CDH13: variants seen among roughly 807,000 people sequenced by gnomAD.
The protein encoded by CDH13 is cadherin 13.
Under a neutral mutation model 63.8 loss-of-function variants are expected in CDH13, and 24 were observed. The observed-to-expected ratio is 0.38, with a 90% CI of 0.27 to 0.53. CDH13 has a LOEUF of 0.53. CDH13 is among the 20% of genes least tolerant of loss of function. The pLI is 0.85. For missense variants in CDH13, 1,049 were observed against 903.1 expected (o/e 1.16, Z -2.07); for synonymous variants, 503 against 355.3 (o/e 1.42, Z -4.67).
At chr16:82,816,770 G>T (rs931851321) in intron 1 of CDH13, among the ~76,000 whole-genome samples, 1 of 131,826 alleles carries the variant, frequency 7.6e-6, no homozygotes, top group African/African-American at 2.8e-5. Flanking sequence ...CATCACCGTC[G>T]TCACCATCAT....
intron 2 of CDH13, among the ~76,000 whole-genome samples, chr16:82,998,923 T>G (rs1437361570): frequency 6.0e-5 from 9 of 149,194 alleles, no homozygotes; most frequent in Non-Finnish European, 1.3e-4. Flanking sequence ...CCAACACTTT[T>G]CTTGTTAAAG....
intron 10 of CDH13, among the ~76,000 whole-genome samples, chr16:83,683,409 G>A (rs969050465): frequency 6.6e-6 from 1 of 152,180 alleles, no homozygotes; most frequent in African/African-American, 2.4e-5. Context: ...CTTTTCCACA[G>A]CTTGGATCTG....
chr16:83,379,930 T>G (rs1473818907), intron 6 of CDH13, among the ~76,000 whole-genome samples: 3 of 88,216 alleles, frequency 3.4e-5, no homozygotes, highest in African/African-American at 7.9e-5. Context: ...TATATATATA[T>G]ATATATATAG....
chr16:82,925,413 A>G (rs1205434972), intron 2 of CDH13, among the ~76,000 whole-genome samples: 2 of 152,170 alleles, frequency 1.3e-5, no homozygotes, highest in Non-Finnish European at 2.9e-5. Flanking sequence ...TGGCATTTGT[A>G]TGCTGGGAAG....
intron 2 of CDH13, among the ~76,000 whole-genome samples, chr16:82,966,644 G>T (rs1021638163): frequency 5.9e-5 from 9 of 152,110 alleles, no homozygotes; most frequent in Admixed American, 3.3e-4. Flanking sequence ...AATGAATTCA[G>T]ACTTACAGGA....
At position 83,453,085 on chromosome 16, in the gene CDH13, T is replaced by C. The variant is rs1598055091; in HGVS notation, c.782-33392T>C. 2.6e-5 allele frequency among the ~76,000 whole-genome samples: 4 copies of C among 152,186 alleles called. No individual in the cohort carries two copies. In the South Asian group the frequency reaches 8.3e-4, roughly 31 times the overall value. On this transcript the variant is annotated intron_variant, in intron 6 of 13. Transcript: ENST00000567109. ...GGCATTCACAGCCACCTGGATGGGA[T>C]TGGAGACTATTATTCCAAGTGAAGT...
chr16:83,594,161 C>G (rs561125391), intron 7 of CDH13, among the ~76,000 whole-genome samples: 5 of 152,328 alleles, frequency 3.3e-5, no homozygotes, highest in Admixed American at 3.3e-4. Context: ...GCTTTTGGCT[C>G]TTCCTGAAGG....
At position 83,784,796 on chromosome 16, in the gene CDH13, C is replaced by T. The variant is rs1051629886; in HGVS notation, c.2134+1324C>T. Among the ~76,000 whole-genome samples the T allele has an allele frequency of 4.6e-5, 7 of 152,260 alleles. No individual in the cohort carries two copies. The East Asian group carries it at 1.4e-3, about 29-fold the overall frequency. ...CCACCATCATCATCACCATCATCTC[C>T]ATGTCTCCTTCCTGGTCTTCCCACT... On this transcript the variant is annotated intron_variant, in intron 13 of 13. Coordinates refer to ENST00000567109, the MANE Select transcript of CDH13 (RefSeq NM_001257.5).
chr16:82,715,378 G>GT (rs1195759505), intron 1 of CDH13, among the ~76,000 whole-genome samples: 2 of 152,118 alleles, frequency 1.3e-5, no homozygotes, highest in African/African-American at 2.4e-5. Context: ...GGCAAAGGCG[G>GT]CCCCGCCCCA....
chr16:83,750,838 T>C (rs1567571660), intron 11 of CDH13, among the ~76,000 whole-genome samples: 1 of 152,154 alleles, frequency 6.6e-6, no homozygotes, highest in Non-Finnish European at 1.5e-5. Context: ...AGACAATAGA[T>C]TTCTGTCGTG....
intron 4 of CDH13, among the ~76,000 whole-genome samples, chr16:83,170,150 A>G (rs1367878269): frequency 1.3e-5 from 2 of 152,124 alleles, no homozygotes; most frequent in African/African-American, 2.4e-5. Flanking sequence ...AAAATGCCAT[A>G]CTGTTCCAAC....
chr16:83,306,142 G>A (rs913596285), intron 5 of CDH13, among the ~76,000 whole-genome samples: 2 of 152,196 alleles, frequency 1.3e-5, no homozygotes, highest in African/African-American at 4.8e-5. Context: ...TTCCCTGGCT[G>A]GGGAAGGTGG....
intron 2 of CDH13, among the ~76,000 whole-genome samples, chr16:82,955,607 C>A (rs13331707): frequency 5.3e-5 from 8 of 152,124 alleles, no homozygotes; most frequent in African/African-American, 1.9e-4. Flanking sequence ...TTTTATTTGG[C>A]ACCTACTGTG....
intron 9 of CDH13, among the ~76,000 whole-genome samples, chr16:83,672,627 G>T (rs1357027694): frequency 1.3e-5 from 2 of 151,696 alleles, no homozygotes; most frequent in South Asian, 2.1e-4. Flanking sequence ...GTCTCACCAG[G>T]TTGGCCAGGC....
chr16:83,552,541 A>G (rs13333541), intron 7 of CDH13, among the ~76,000 whole-genome samples: 1 of 152,240 alleles, frequency 6.6e-6, no homozygotes, highest in Non-Finnish European at 1.5e-5. Flanking sequence ...ATATAGAGAC[A>G]GAAGAGATTC....
intron 6 of CDH13, among the ~76,000 whole-genome samples, chr16:83,485,329 A>T (rs1164589746): frequency 6.6e-6 from 1 of 152,192 alleles, no homozygotes; most frequent in Non-Finnish European, 1.5e-5. Context: ...CAATGGATAT[A>T]CCAGTTTCCC....
chr16:83,002,128 C>A (rs545460993), intron 2 of CDH13, among the ~76,000 whole-genome samples: 2 of 152,306 alleles, frequency 1.3e-5, no homozygotes, highest in East Asian at 3.9e-4. Flanking sequence ...ATGTCCACAT[C>A]CTAATCCCTA....
intron 2 of CDH13, among the ~76,000 whole-genome samples, chr16:82,875,148 G>T (rs530747901): frequency 6.6e-6 from 1 of 152,216 alleles, no homozygotes; most frequent in African/African-American, 2.4e-5. Context: ...AAAGCTGAAA[G>T]TGTCACAAAG....
At chr16:83,077,662 G>T (rs2032942556) in intron 3 of CDH13, among the ~76,000 whole-genome samples, 1 of 152,128 alleles carries the variant, frequency 6.6e-6, no homozygotes, top group Non-Finnish European at 1.5e-5. Flanking sequence ...GAATAAAATT[G>T]CTATAAAAAC....
Sources: gnomAD v4.1 joint callset for allele counts (sites outside exome capture counted in the v4.1 genomes callset) on GRCh38, gnomAD v4.1.1 for gene constraint, MANE v1.5 for transcripts, NCBI Gene and HGNC (gene_info 2026-07-23, HGNC 2026-07-21) for gene names.